Variants in CIMAP3 observed in about 807,000 individuals in gnomAD.
The protein encoded by CIMAP3 is ciliary microtubule associated protein 3.
At chr1:111,341,607 G>A in the CIMAP3 span, among the ~76,000 whole-genome samples, 2 of 152,194 alleles carry the variant, frequency 1.3e-5, no homozygotes, top group East Asian at 1.9e-4. Flanking sequence ...ACTTTTCAAG[G>A]TTGTTGTGAG....
the CIMAP3 span, chr1:111,325,017 C>T: frequency 2.1e-6 from 1 of 480,170 alleles, no homozygotes; most frequent in Non-Finnish European, 2.7e-6. Flanking sequence ...TGGATGGAGG[C>T]AGAGAGAGTG....
the CIMAP3 span, among the ~76,000 whole-genome samples, chr1:111,335,149 A>C: frequency 3.6e-5 from 5 of 139,288 alleles, no homozygotes; most frequent in East Asian, 1.1e-3. Context: ...AAAAAAAAAA[A>C]AAAAGACAGA....
At chr1:111,337,513 C>A in the CIMAP3 span, among the ~76,000 whole-genome samples, 5 of 151,710 alleles carry the variant, frequency 3.3e-5, no homozygotes, top group Non-Finnish European at 7.4e-5. Context: ...ATCTACCAAG[C>A]CAATGGAAAA....
the CIMAP3 span, among the ~76,000 whole-genome samples, chr1:111,348,172 T>C: frequency 3.3e-5 from 5 of 152,222 alleles, no homozygotes; most frequent in South Asian, 2.1e-4. Flanking sequence ...TAATCTCTTA[T>C]TGGACGACAT....
chr1:111,343,629 CATTAGCCT>C, the CIMAP3 span, among the ~76,000 whole-genome samples: 1 of 152,350 alleles, frequency 6.6e-6, no homozygotes, highest in South Asian at 2.1e-4. Context: ...TGAAATTCTG[CATTAGCCT>C]ATTATCATTA....
At chr1:111,328,565 G>A in the CIMAP3 span, among the ~76,000 whole-genome samples, 1 of 152,176 alleles carries the variant, frequency 6.6e-6, no homozygotes, top group East Asian at 1.9e-4. Context: ...AGGAAAGTTA[G>A]GCCTTCTTAT....
At chr1:111,348,280 C>G in the CIMAP3 span, 1 of 326,288 alleles carries the variant, frequency 3.1e-6, no homozygotes, top group Non-Finnish European at 5.6e-6. Context: ...CCTTGGTTCT[C>G]TACCCATCCT....
chr1:111,328,278 G>A, the CIMAP3 span, among the ~76,000 whole-genome samples: 9 of 152,178 alleles, frequency 5.9e-5, no homozygotes, highest in African/African-American at 1.2e-4. Context: ...TTATGTGGTC[G>A]ATTTTAGAGT....
chr1:111,335,404 T>A, the CIMAP3 span, among the ~76,000 whole-genome samples: 1 of 152,126 alleles, frequency 6.6e-6, no homozygotes, highest in Non-Finnish European at 1.5e-5. Context: ...AGGCATTGCC[T>A]CACTCAGGAA....
chr1:111,350,501 C>A, the CIMAP3 span, among the ~76,000 whole-genome samples: 1 of 152,164 alleles, frequency 6.6e-6, no homozygotes, highest in Non-Finnish European at 1.5e-5. Flanking sequence ...AATATCCCTA[C>A]ACAATAGAGG....
At chr1:111,330,574 C>T in the CIMAP3 span, among the ~76,000 whole-genome samples, 3 of 152,190 alleles carry the variant, frequency 2.0e-5, no homozygotes, top group African/African-American at 7.2e-5. Context: ...ACAGTTGCAG[C>T]ATTTTCTTTT....
At chr1:111,338,232 C>G in the CIMAP3 span, among the ~76,000 whole-genome samples, 1 of 151,894 alleles carries the variant, frequency 6.6e-6, no homozygotes, top group Non-Finnish European at 1.5e-5. Flanking sequence ...TAAATGCCAA[C>G]AAGAGAAAGA....
chr1:111,347,064 C>T, the CIMAP3 span: 23 of 1,592,890 alleles, frequency 1.4e-5, no homozygotes, highest in East Asian at 2.3e-4. Context: ...GTATTCACCT[C>T]CCCTTAGATG....
At chr1:111,335,230 C>T in the CIMAP3 span, among the ~76,000 whole-genome samples, 1 of 150,326 alleles carries the variant, frequency 6.7e-6, no homozygotes, top group Non-Finnish European at 1.5e-5. Flanking sequence ...TCAAGATGGC[C>T]GAATAGAAAC....
the CIMAP3 span, among the ~76,000 whole-genome samples, chr1:111,325,666 G>A: frequency 3.9e-5 from 6 of 152,112 alleles, no homozygotes; most frequent in East Asian, 1.9e-4. Flanking sequence ...TAAAGTAAAG[G>A]AGAAAAAATA....
the CIMAP3 span, chr1:111,350,124 A>G: frequency 6.2e-7 from 1 of 1,613,926 alleles, no homozygotes; most frequent in Admixed American, 1.7e-5. Context: ...CATACAACCC[A>G]GAGAAGAAGC....
the CIMAP3 span, among the ~76,000 whole-genome samples, chr1:111,350,529 A>C: frequency 6.6e-6 from 1 of 152,160 alleles, no homozygotes; most frequent in African/African-American, 2.4e-5. Flanking sequence ...GGATTAAGTG[A>C]TTTGTGCAGG....
the CIMAP3 span, among the ~76,000 whole-genome samples, chr1:111,336,385 A>G: frequency 6.6e-6 from 1 of 152,368 alleles, no homozygotes; most frequent in East Asian, 1.9e-4. Flanking sequence ...AGAAGGCTTC[A>G]GACAATCAAA....
At chr1:111,347,824 G>C in the CIMAP3 span, 81 of 1,272,928 alleles carry the variant, frequency 6.4e-5, no homozygotes, top group African/African-American at 9.7e-4. Context: ...CATTTGCACA[G>C]GAGTGCAAAG....
Sources: allele counts gnomAD v4.1 joint callset (sites outside exome capture counted in the v4.1 genomes callset), GRCh38; gene constraint gnomAD v4.1.1; transcripts MANE v1.5; gene names NCBI Gene and HGNC (gene_info 2026-07-23, HGNC 2026-07-21).